MDFIC: variants seen among roughly 807,000 people sequenced by gnomAD.
MDFIC encodes myoD family inhibitor domain-containing protein.
MDFIC carries 17 observed loss-of-function variants against 23.2 expected under a neutral mutation model. The ratio of observed to expected loss-of-function variants is 0.73; its 90% confidence interval spans 0.50 to 1.10. The LOEUF (loss-of-function observed/expected upper bound fraction) is 1.10. Among genes scored for constraint, MDFIC ranks in the 50% least tolerant of loss-of-function variants. MDFIC has a pLI of 0.00. For missense variants in MDFIC, 356 were observed against 316.6 expected (o/e 1.12, Z -0.95); for synonymous variants, 120 against 115.2 (o/e 1.04, Z -0.27).
intron 4 of MDFIC, among the ~76,000 whole-genome samples, chr7:114,985,104 A>G (rs1585113802): frequency 6.6e-6 from 1 of 152,198 alleles, no homozygotes; most frequent in East Asian, 1.9e-4. Context: ...TTGGGATCAA[A>G]TATTGGCTTT....
Position 114,979,706 on chromosome 7 carries a change from T to C in MDFIC, c.418T>C (p.Ser140Pro). The C allele has an allele frequency of 1.2e-6, 2 of 1,614,148 alleles. No homozygotes were observed. The highest frequency in any genetic ancestry group is 1.1e-5 in the South Asian group (1 of 91,090). Residue 140 changes from serine (S) to proline (P), a missense_variant, in exon 4 of 5, where the codon TCT becomes CCT. Coordinates refer to ENST00000393486, the MANE Select transcript of MDFIC (RefSeq NM_001166345.3). ...KMHRKIQSSL[S>P]VNSDISKKSK... ...GCATAGAAAAATTCAGTCCAGCTTG[T>C]CTGTAAACAGCGATATCAGTAAGAA...
intron 4 of MDFIC, among the ~76,000 whole-genome samples, chr7:115,003,476 T>C (rs540820215): frequency 2.0e-5 from 3 of 152,334 alleles, no homozygotes; most frequent in East Asian, 1.9e-4. Context: ...GGAGTCACGC[T>C]TGATTCTTCT....
At chr7:114,987,687 G>T (rs1041060484) in intron 4 of MDFIC, among the ~76,000 whole-genome samples, 1 of 152,172 alleles carries the variant, frequency 6.6e-6, no homozygotes, top group Non-Finnish European at 1.5e-5. Flanking sequence ...ACAATGAGGA[G>T]TGTGTGTATG....
chr7:114,922,321 T>G lies in MDFIC; in HGVS notation c.-423T>G. On this transcript the variant is annotated 5_prime_UTR_variant, in exon 1 of 5. Coordinates refer to ENST00000393486, the MANE Select transcript of MDFIC (RefSeq NM_001166345.3). ...CAACAGAGGGAGAAGTGTTTCAGGA[T>G]TGTAGGAGTGGAAGAGGGGAAAGAG... 40 of 956,498 alleles carry G rather than the reference T, an allele frequency of 4.2e-5. No individual in the cohort carries two copies. Among genetic ancestry groups the G allele is most frequent in the South Asian group, 5.5e-5 (1 of 18,300 alleles). The allele number at this position is 956,498 out of a possible 1,614,324, so 59.3% of individuals were successfully genotyped here. A position where few individuals can be genotyped will look rare whatever the true frequency, so the allele number is the denominator to read the frequency against.
intron 2 of MDFIC, among the ~76,000 whole-genome samples, chr7:114,933,690 G>A (rs937359866): frequency 1.4e-4 from 22 of 152,178 alleles, no homozygotes; most frequent in Admixed American, 7.2e-4. Flanking sequence ...AGGCTATTGC[G>A]TCTATAAGAG....
intron 3 of MDFIC, among the ~76,000 whole-genome samples, chr7:114,958,174 A>G (rs972550561): frequency 1.1e-4 from 16 of 152,220 alleles, no homozygotes; most frequent in African/African-American, 3.6e-4. Flanking sequence ...GCTACCAGGA[A>G]TAAATATCAT....
intron 2 of MDFIC, among the ~76,000 whole-genome samples, chr7:114,928,874 T>C (rs1202191545): frequency 6.6e-6 from 1 of 152,108 alleles, no homozygotes; most frequent in Non-Finnish European, 1.5e-5. Context: ...GGAGTAAAAT[T>C]GAGGAAATTG....
At chr7:114,953,103 A>C (rs926996594) in intron 3 of MDFIC, among the ~76,000 whole-genome samples, 38 of 152,232 alleles carry the variant, frequency 2.5e-4, no homozygotes, top group African/African-American at 8.9e-4. Context: ...AGAACATGGA[A>C]GATTAAACCC....
At chr7:114,923,630 A>T (rs1430000095) in intron 2 of MDFIC, 8 of 1,447,514 alleles carry the variant, frequency 5.5e-6, no homozygotes, top group Non-Finnish European at 7.3e-6. Context: ...GTTTGTTTTG[A>T]AATAAATAAA....
chr7:114,965,242 AG>A (rs2115885008), intron 3 of MDFIC, among the ~76,000 whole-genome samples: 1 of 152,290 alleles, frequency 6.6e-6, no homozygotes, highest in East Asian at 1.9e-4. Context: ...GTGTAGCTAG[AG>A]TGTGGGAAAA....
chr7:114,996,705 G>T (rs984454539), intron 4 of MDFIC, among the ~76,000 whole-genome samples: 2 of 152,154 alleles, frequency 1.3e-5, no homozygotes, highest in African/African-American at 4.8e-5. Context: ...AGGGCAAAGG[G>T]ATTAGGAAAT....
chr7:114,979,911 T>C, intron 4 of MDFIC, 130 bp downstream of exon 4: 1 of 1,158,272 alleles, frequency 8.6e-7, no homozygotes, highest in Non-Finnish European at 1.3e-6. Context: ...TTTGGTAAAA[T>C]GCAGATTAAC....
chr7:114,938,561 C>T (rs1182649161), intron 2 of MDFIC, among the ~76,000 whole-genome samples: 1 of 152,124 alleles, frequency 6.6e-6, no homozygotes, highest in African/African-American at 2.4e-5. Flanking sequence ...GCCTGTGCAT[C>T]TTTATGTTTC....
intron 3 of MDFIC, among the ~76,000 whole-genome samples, chr7:114,964,245 A>C (rs1585105065): frequency 6.6e-6 from 1 of 152,222 alleles, no homozygotes; most frequent in Admixed American, 6.5e-5. Flanking sequence ...AATTATGTGC[A>C]TGGGATGGTT....
intron 3 of MDFIC, among the ~76,000 whole-genome samples, chr7:114,977,768 A>G (rs940709048): frequency 4.0e-5 from 6 of 151,694 alleles, no homozygotes; most frequent in Non-Finnish European, 7.4e-5. Flanking sequence ...TACACTTTAA[A>G]TAAAAAGTTT....
rs528471071 is a variant in MDFIC at position 114,929,939 on chromosome 7, G to A, written c.94+6812G>A. Among the ~76,000 whole-genome samples, 4 of 152,254 alleles carry A rather than the reference G, an allele frequency of 2.6e-5. No individual in the cohort carries two copies. The South Asian group carries it at 8.3e-4, about 32-fold the overall frequency. On this transcript the variant is annotated intron_variant, in intron 2 of 4. Transcript: ENST00000393486. ...ATATTCCTCTTTGAGATGGAGGTGG[G>A]AGAAAAGGATAGGTGATAATCTAGA... is the stretch of plus-strand genomic sequence containing the variant.
At position 114,942,378 on chromosome 7, in the gene MDFIC, G is replaced by A. The variant is rs138487145; in HGVS notation, c.198G>A (p.Ser66=). 2.2e-3 allele frequency: 3,492 copies of A among 1,600,738 alleles called. 10 individuals are homozygous for A. The highest frequency in any genetic ancestry group is 6.7e-3 in the Middle Eastern group (40 of 6,000). The change falls in exon 3 of 5, where the codon TCG becomes TCA. Residue 66 remains serine (S), a synonymous_variant. Coordinates refer to ENST00000393486, the MANE Select transcript of MDFIC (RefSeq NM_001166345.3). ...ACCAGTCCATTTGGGGAAATCCTTC[G>A]GATGGTGAACTCATTAGAAGTAAGT... ...MQDQSIWGNP[S]DGELIRTQPQ...
At chr7:114,941,556 T>A (rs749461206) in intron 2 of MDFIC, among the ~76,000 whole-genome samples, 1 of 152,206 alleles carries the variant, frequency 6.6e-6, no homozygotes, top group Non-Finnish European at 1.5e-5. Flanking sequence ...TTTCTTGATC[T>A]CTGAATCCTG....
chr7:114,992,399 G>A (rs1354417156), intron 4 of MDFIC, among the ~76,000 whole-genome samples: 1 of 151,976 alleles, frequency 6.6e-6, no homozygotes, highest in Non-Finnish European at 1.5e-5. Flanking sequence ...GAATAGGAGT[G>A]GTGAGAGAGG....
Sources: allele counts gnomAD v4.1 joint callset (sites outside exome capture counted in the v4.1 genomes callset), GRCh38; gene constraint gnomAD v4.1.1; transcripts MANE v1.5; gene names NCBI Gene and HGNC (gene_info 2026-07-23, HGNC 2026-07-21).